EMCN: variants seen among roughly 807,000 people sequenced by gnomAD.
EMCN encodes MUC-14.
In EMCN, 37 loss-of-function variants were observed where a neutral mutation model predicts 38.4. The observed-to-expected ratio is 0.96, with a 90% CI of 0.74 to 1.27. EMCN has a LOEUF of 1.27. Among genes scored for constraint, EMCN ranks in the 50% most tolerant of loss-of-function variants. The probability of loss-of-function intolerance (pLI) is 0.00; values close to 1 mark genes in which losing one functional copy is unlikely to be tolerated. For synonymous variants in EMCN, 95 were observed against 100.8 expected, an observed-to-expected ratio of 0.94 and a Z score of 0.35; for missense variants, 318 against 302.8, an observed-to-expected ratio of 1.05 and a Z score of -0.37.
At chr4:100,464,547 T>G (rs1728264493) in intron 4 of EMCN, among the ~76,000 whole-genome samples, 1 of 152,084 alleles carries the variant, frequency 6.6e-6, no homozygotes, top group South Asian at 2.1e-4. Context: ...ATGCCCTTTA[T>G]CAAGTTGAGG....
intron 3 of EMCN, among the ~76,000 whole-genome samples, chr4:100,469,834 C>T (rs1728425577): frequency 6.6e-6 from 1 of 151,924 alleles, no homozygotes; most frequent in Non-Finnish European, 1.5e-5. Context: ...TAACATAATG[C>T]CTCTAGCTTT....
chr4:100,502,516 A>T (rs1399951069), intron 1 of EMCN, among the ~76,000 whole-genome samples: 1 of 152,130 alleles, frequency 6.6e-6, no homozygotes, highest in Non-Finnish European at 1.5e-5. Context: ...CTCCTATATC[A>T]ATGTCCTATA....
At chr4:100,435,505 C>T (rs1727326256) in intron 5 of EMCN, among the ~76,000 whole-genome samples, 1 of 152,058 alleles carries the variant, frequency 6.6e-6, no homozygotes, top group Admixed American at 6.6e-5. Context: ...TGACATTCTT[C>T]ATAGAATTAG....
chr4:100,461,064 C>T (rs1728165127), intron 4 of EMCN, among the ~76,000 whole-genome samples: 2 of 152,172 alleles, frequency 1.3e-5, no homozygotes, highest in Admixed American at 6.6e-5. Context: ...CTTCTTCCTG[C>T]TCTAATGGCA....
chr4:100,477,023 T>G (rs1476883032), intron 2 of EMCN, among the ~76,000 whole-genome samples: 1 of 152,190 alleles, frequency 6.6e-6, no homozygotes, highest in Non-Finnish European at 1.5e-5. Flanking sequence ...ACATAGAGGA[T>G]GTACAATGGA....
At chr4:100,446,296 A>G in intron 5 of EMCN, 2 of 681,972 alleles carry the variant, frequency 2.9e-6, no homozygotes, top group Non-Finnish European at 3.6e-6. Context: ...GAATTAAAAA[A>G]ATGGTGATTA....
At chr4:100,485,961 T>G (rs1390610615) in intron 1 of EMCN, among the ~76,000 whole-genome samples, 1 of 152,204 alleles carries the variant, frequency 6.6e-6, no homozygotes, top group Non-Finnish European at 1.5e-5. Context: ...TCAATAAATA[T>G]TTATTCAGCA....
intron 11 of EMCN, among the ~76,000 whole-genome samples, chr4:100,403,921 G>A (rs907788386): frequency 5.9e-5 from 9 of 151,942 alleles, no homozygotes; most frequent in African/African-American, 1.9e-4. Context: ...TAATGGGGTT[G>A]TTTTTTACTC....
chr4:100,436,401 A>C (rs956133822), intron 5 of EMCN, among the ~76,000 whole-genome samples: 1 of 152,218 alleles, frequency 6.6e-6, no homozygotes, highest in South Asian at 2.1e-4. Flanking sequence ...GAATGCTTTT[A>C]CATTCTTGGT....
intron 5 of EMCN, among the ~76,000 whole-genome samples, chr4:100,430,803 A>G (rs1263188499): frequency 6.6e-6 from 1 of 152,136 alleles, no homozygotes; most frequent in African/African-American, 2.4e-5. Flanking sequence ...GATCACATAT[A>G]CGTTGATATA....
intron 2 of EMCN, among the ~76,000 whole-genome samples, chr4:100,478,201 T>C (rs1035535720): frequency 6.6e-6 from 1 of 152,096 alleles, no homozygotes; most frequent in Non-Finnish European, 1.5e-5. Context: ...TGTTTCCCAC[T>C]CTGGATCCAA....
At chr4:100,483,649 T>G (rs1249644089) in intron 1 of EMCN, among the ~76,000 whole-genome samples, 2 of 152,156 alleles carry the variant, frequency 1.3e-5, no homozygotes, top group South Asian at 2.1e-4. Flanking sequence ...CAAAAAAAAG[T>G]TTTTCATTTA....
intron 1 of EMCN, among the ~76,000 whole-genome samples, chr4:100,481,744 A>G (rs1728810540): frequency 6.6e-6 from 1 of 152,154 alleles, no homozygotes; most frequent in African/African-American, 2.4e-5. Context: ...CTTAGACAGG[A>G]AAATTCACCT....
At chr4:100,480,262 G>C (rs1231584279) in intron 1 of EMCN, among the ~76,000 whole-genome samples, 1 of 151,938 alleles carries the variant, frequency 6.6e-6, no homozygotes, top group Non-Finnish European at 1.5e-5. Flanking sequence ...TGTGGTTTCA[G>C]AGCAATATAA....
intron 4 of EMCN, among the ~76,000 whole-genome samples, chr4:100,463,334 T>G (rs1501109): frequency 0.4 from 60,665 of 151,860 alleles, 12,919 homozygotes; most frequent in East Asian, 0.78. Context: ...TGAATTGCCA[T>G]GACTACCGCA....
At position 100,427,036 on chromosome 4, in the gene EMCN, G is replaced by C. The variant is rs561391406; in HGVS notation, c.416-3632C>G. Among the ~76,000 whole-genome samples the C allele has an allele frequency of 2.0e-5, 3 of 152,100 alleles. No homozygotes were observed. In the East Asian group the frequency reaches 5.8e-4, roughly 29 times the overall value. On this transcript the variant is annotated intron_variant, in intron 5 of 11. Transcript: ENST00000296420. ...TTAAAAGAAATCTTGGGCAGGGCAT[G>C]GTGGCTCACGCCTGTAATCCCAGCA... is the stretch of plus-strand genomic sequence containing the variant.
intron 11 of EMCN, among the ~76,000 whole-genome samples, chr4:100,399,835 T>C (rs1471315668): frequency 6.6e-6 from 1 of 152,206 alleles, no homozygotes. Context: ...ATAGGTAAAC[T>C]GCATGTCATG....
At chr4:100,510,357 T>C (rs1456926452) in intron 1 of EMCN, among the ~76,000 whole-genome samples, 1 of 152,220 alleles carries the variant, frequency 6.6e-6, no homozygotes, top group African/African-American at 2.4e-5. Context: ...GCATATATTG[T>C]AATTAAAATA....
At chr4:100,437,899 T>C (rs1332866241) in intron 5 of EMCN, among the ~76,000 whole-genome samples, 2 of 152,134 alleles carry the variant, frequency 1.3e-5, no homozygotes, top group African/African-American at 4.8e-5. Context: ...CATGTTTTCA[T>C]ACATATTTTT....
Sources: allele counts gnomAD v4.1 joint callset (sites outside exome capture counted in the v4.1 genomes callset), GRCh38; gene constraint gnomAD v4.1.1; transcripts MANE v1.5; gene names NCBI Gene and HGNC (gene_info 2026-07-23, HGNC 2026-07-21).